The following DNHD1 variants were observed in gnomAD, a reference collection of about 807,000 sequenced individuals.
DNHD1 encodes the protein dynein heavy chain domain 1, also known as dynein heavy chain domain-containing protein 1.
In DNHD1, 383 loss-of-function variants were observed where a neutral mutation model predicts 458.1. The ratio of observed to expected loss-of-function variants is 0.84; its 90% CI spans 0.77 to 0.91. The LOEUF (loss-of-function observed/expected upper bound fraction) is 0.91. Among genes scored for constraint, DNHD1 ranks in the 40% least tolerant of loss-of-function variants. The pLI, the probability that DNHD1 is intolerant of heterozygous loss-of-function variation, is 0.00. For synonymous variants in DNHD1, 2,203 were observed against 2,376.9 expected (o/e 0.93, Z 2.13); for missense variants, 5,336 against 5,866.1 (o/e 0.91, Z 2.95).
At chr11:6,525,440 C>T (rs1852691199) in intron 10 of DNHD1, among the ~76,000 whole-genome samples, 1 of 152,212 alleles carries the variant, frequency 6.6e-6, no homozygotes, top group South Asian at 2.1e-4. Context: ...TTCAGGTAGG[C>T]TCTGTCCACC....
Position 6,502,771 on chromosome 11 carries a change from A to C in DNHD1, c.765A>C (p.Glu255Asp), listed in dbSNP as rs1435404894. The C allele has an allele frequency of 3.1e-6, 5 of 1,600,724 alleles. No homozygotes were observed. The highest frequency in any genetic ancestry group is 4.3e-6 in the Non-Finnish European group (5 of 1,174,778). Residue 255 changes from glutamate (E) to aspartate (D), a missense_variant, in exon 4 of 43, where the codon GAA (glutamate) becomes GAC (aspartate). Glu to Asp is a conservative substitution (Grantham distance 45). Transcript: ENST00000254579. The part of the protein sequence containing the change: ...RKETRSQLDY[E>D]VPREKAFQKS... ...CACACAGGTCTCAGCTTGACTATGA[A>C]GTTCCCAGGGAAAAGGCCTTCCAAA...
chr11:6,560,611 C>G (rs1853566832), intron 28 of DNHD1, among the ~76,000 whole-genome samples: 1 of 152,140 alleles, frequency 6.6e-6, no homozygotes, highest in Admixed American at 6.6e-5. Context: ...GTCAGTTACA[C>G]CAGAGCAGAA....
intron 10 of DNHD1, chr11:6,520,674 T>G (rs1852587543): frequency 9.4e-7 from 1 of 1,058,460 alleles, no homozygotes; most frequent in African/African-American, 1.6e-5. Flanking sequence ...TGCTCAACAC[T>G]TGCTTTATGT....
In DNHD1 at chr11:6,566,284, C is replaced by T. The variant is rs773000449; in HGVS notation, c.11097C>T (p.Cys3699=). The T allele has an allele frequency of 2.0e-5, 31 of 1,551,638 alleles. No individual in the cohort carries two copies. The highest frequency in any genetic ancestry group is 8.3e-5 in the South Asian group (7 of 84,066). ...LLTNVELGLG[C]EELQWLLQRE... ...CCAATGTGGAGCTGGGTCTAGGGTG[C>T]GAAGAACTGCAATGGCTGCTGCAAC... Residue 3699 remains cysteine, a synonymous_variant, in exon 34 of 43, where the codon TGC becomes TGT. Transcript: ENST00000254579.
chr11:6,534,423 T>G lies in DNHD1; in HGVS notation c.2998+250T>G, dbSNP rs554256745. 8.5e-4 allele frequency among the ~76,000 whole-genome samples: 130 copies of G among 152,224 alleles called. 2 individuals are homozygous for G. The highest frequency in any genetic ancestry group is 3.0e-3 in the African/African-American group (123 of 41,534). ...GGTAAGGAAGGCAAACAAGTGAATGTTCCATCAGAATGTGATGGGGTCAGG... is the reference window on the plus strand; with the variant it reads ...GGTAAGGAAGGCAAACAAGTGAATGGTCCATCAGAATGTGATGGGGTCAGG... On this transcript the variant is annotated intron_variant, in intron 14 of 42. Transcript: ENST00000254579.
chr11:6,555,699 A>C (rs1853447332), intron 24 of DNHD1, among the ~76,000 whole-genome samples: 1 of 152,238 alleles, frequency 6.6e-6, no homozygotes, highest in Admixed American at 6.5e-5. Flanking sequence ...ATGATCAAGT[A>C]CATACCGTAT....
chr11:6,539,891 A>G lies in DNHD1; in HGVS notation c.3436A>G (p.Asn1146Asp), dbSNP rs777221194. 20 of 1,551,680 alleles carry G rather than the reference A, an allele frequency of 1.3e-5. No homozygotes were observed. The highest frequency in any genetic ancestry group is 1.6e-5 in the Non-Finnish European group (18 of 1,146,996). Residue 1146 changes from asparagine to aspartate, a missense_variant, in exon 18 of 43, where the codon AAT becomes GAT. Asn to Asp is a conservative substitution (Grantham distance 23, BLOSUM62 1). Around this residue, in one of 4 missense-constraint regions of DNHD1, gnomAD observed 3,932 missense variants for 4,365.6 expected, o/e 0.90. Coordinates refer to ENST00000254579, the MANE Select transcript of DNHD1 (RefSeq NM_144666.3). ...DRINQVWQNE[N>D]ERIHAQETIR... Reference sequence around the variant, plus strand: ...GCTGTTCCAGGTCTGGCAGAATGAAAATGAACGAATTCATGCCCAAGAGAC... The same window carrying G: ...GCTGTTCCAGGTCTGGCAGAATGAAGATGAACGAATTCATGCCCAAGAGAC...
At chr11:6,543,986 G>C (rs1447712845) in intron 18 of DNHD1, 135 bp from the exon 19 acceptor site, 3 of 408,786 alleles carry the variant, frequency 7.3e-6, no homozygotes, top group East Asian at 1.3e-4. Flanking sequence ...AAAAAAAAAA[G>C]GGAAAGAAAA....
chr11:6,501,721 GA>G (rs998225840), intron 3 of DNHD1, among the ~76,000 whole-genome samples: 2 of 152,170 alleles, frequency 1.3e-5, no homozygotes, highest in Non-Finnish European at 2.9e-5. Context: ...ACATCAGGCA[GA>G]ATGAGCCCAC....
chr11:6,527,508 A>T lies in DNHD1; in HGVS notation c.1838-1014A>T, dbSNP rs557719035. On this transcript the variant is annotated intron_variant, in intron 10 of 42. Coordinates refer to ENST00000254579, the MANE Select transcript of DNHD1 (RefSeq NM_144666.3). ...AGTTTCCATTTACTGAAGTTGGAAGACTGCAGTTTTGGCGGGGAGGAATTA... is the reference window on the plus strand; with the variant it reads ...AGTTTCCATTTACTGAAGTTGGAAGTCTGCAGTTTTGGCGGGGAGGAATTA... 2.0e-5 allele frequency among the ~76,000 whole-genome samples: 3 copies of T among 152,374 alleles called. No individual in the cohort carries two copies. In the South Asian group the frequency reaches 6.2e-4, roughly 32 times the overall value.
At position 6,570,285 on chromosome 11, in the gene DNHD1, G is replaced by A. The variant is rs186910395; in HGVS notation, c.12994G>A (p.Asp4332Asn). The change falls in exon 41 of 43, where the codon GAC becomes AAC. Residue 4332 changes from aspartate (D) to asparagine (N), a missense_variant. Physicochemically the swap from Asp to Asn is conservative, Grantham distance 23. Coordinates refer to ENST00000254579, the MANE Select transcript of DNHD1 (RefSeq NM_144666.3). ...FYGGPLGDTE[D>N]REALISLTQA... ...CGGGGGTCCTCTGGGGGACACTGAG[G>A]ACAGGGAGGCCCTGATTAGCCTCAC... 1 of 1,613,720 alleles carries A rather than the reference G, an allele frequency of 6.2e-7. No homozygotes were observed. Among genetic ancestry groups the A allele is most frequent in the African/African-American group, 1.3e-5 (1 of 75,010 alleles).
chr11:6,533,666 C>G lies in DNHD1; in HGVS notation c.2506-15C>G, dbSNP rs764485346. On this transcript the variant is annotated splice_polypyrimidine_tract_variant and intron_variant, in intron 13 of 42. Transcript: ENST00000254579. ...GGGTTGTGGGGCTGCCGGTCTCATG[C>G]TGTAATTCCTGCAGTTGAATGAAGC... The G allele has an allele frequency of 5.3e-5, 81 of 1,535,780 alleles. No homozygotes were observed. Among genetic ancestry groups the G allele is most frequent in the Non-Finnish European group, 6.9e-5 (79 of 1,137,418 alleles).
In DNHD1 at chr11:6,564,799, G is replaced by A; in HGVS notation, c.10751G>A (p.Gly3584Asp). The A allele has an allele frequency of 6.6e-7, 1 of 1,519,904 alleles. No homozygotes were observed. Among genetic ancestry groups the A allele is most frequent in the Non-Finnish European group, 8.9e-7 (1 of 1,126,534 alleles). The allele number at this position is 1,519,904 out of a possible 1,614,324, so 94.2% of individuals were successfully genotyped here. The change falls in exon 32 of 43, where the codon GGT (glycine) becomes GAT (aspartate). Residue 3584 changes from glycine to aspartate, a missense_variant. Coordinates refer to ENST00000254579, the MANE Select transcript of DNHD1 (RefSeq NM_144666.3). ...TCTTTTGCGCCAGCCCTCACTGAGG[G>A]TAGAGGTAAGCAGGCATAATAAATG... ...NRSFAPALTE[G>D]RGKGLMRNQK...
In DNHD1 at chr11:6,551,952, A is replaced by G. The variant is rs1047290173; in HGVS notation, c.7387+3019A>G. On this transcript the variant is annotated intron_variant, in intron 24 of 42. Transcript: ENST00000254579. ...CGAGACTCCGTCTCCAAAAAAAAAAAGGGGAGCCAGGCATGGTGGCATGCA... is the reference window on the plus strand; with the variant it reads ...CGAGACTCCGTCTCCAAAAAAAAAAGGGGGAGCCAGGCATGGTGGCATGCA... 6.8e-5 allele frequency among the ~76,000 whole-genome samples: 10 copies of G among 146,038 alleles called. 2 individuals carry two copies. The highest frequency in any genetic ancestry group is 1.1e-4 in the African/African-American group (4 of 37,852).
At position 6,545,082 on chromosome 11, in the gene DNHD1, G is replaced by T; in HGVS notation, c.4143G>T (p.Gln1381His). The change falls in exon 21 of 43, where the codon CAG (glutamine) becomes CAT (histidine). Residue 1381 changes from glutamine to histidine, a missense_variant. By Grantham distance (24) the Gln-to-His change is conservative. Transcript: ENST00000254579. The surrounding 1 kb of genome is among the most constrained non-coding windows in gnomAD (Gnocchi z 4.9). ...CTCGACTGGAATCATGCGAAGCCCA[G>T]CTATGGGTACGACGCTGCTTTCCTC... ...LAARLESCEA[Q>H]LWVRRCFPHV... 1 of 1,551,868 alleles carries T rather than the reference G, an allele frequency of 6.4e-7. No homozygotes were observed. Among genetic ancestry groups the T allele is most frequent in the Non-Finnish European group, 8.7e-7 (1 of 1,146,918 alleles).
intron 4 of DNHD1, 101 bp from the exon 5 acceptor site, chr11:6,508,779 G>A: frequency 9.8e-7 from 1 of 1,023,560 alleles, no homozygotes; most frequent in Admixed American, 2.5e-5. Flanking sequence ...TCTTCTGCCT[G>A]CCTTCCTGTT....
rs1223050192 is a variant in DNHD1 at position 6,498,827 on chromosome 11, G to A, written c.612G>A (p.Val204=). The A allele has an allele frequency of 1.9e-6, 3 of 1,614,238 alleles. No individual in the cohort carries two copies. The highest frequency in any genetic ancestry group is 2.5e-6 in the Non-Finnish European group (3 of 1,180,036). Residue 204 remains valine, a synonymous_variant, in exon 3 of 43, where the codon GTG becomes GTA. Transcript: ENST00000254579. ...GCCTGGGCATTGTTGGTGCTCAGGT[G>A]GCCCTAGAAGAGGCTGTGTGGCTGG... ...QRCLGIVGAQ[V]ALEEAVWLDG...
At chr11:6,534,269 C>T (rs996582395) in intron 14 of DNHD1, 96 bp downstream of exon 14, 2 of 1,293,996 alleles carry the variant, frequency 1.5e-6, no homozygotes, top group Non-Finnish European at 2.1e-6. Flanking sequence ...CTGTATGACC[C>T]CAAGCAAGCC....
chr11:6,564,371 C>T lies in DNHD1; in HGVS notation c.10323C>T (p.Thr3441=). 1 of 1,549,386 alleles carries T rather than the reference C, an allele frequency of 6.5e-7. No individual in the cohort carries two copies. The highest frequency in any genetic ancestry group is 8.7e-7 in the Non-Finnish European group (1 of 1,145,224). The change falls in exon 32 of 43, where the codon ACC becomes ACT. Residue 3441 remains threonine, a synonymous_variant. Transcript: ENST00000254579. Reference sequence around the variant, plus strand: ...GCTGCATGACTGTGTTTGGAGATACCCTCCTATGTTCAGCTGCCATCATCT... The same window carrying T: ...GCTGCATGACTGTGTTTGGAGATACTCTCCTATGTTCAGCTGCCATCATCT... ...KGRCMTVFGD[T]LLCSAAIIYL... is the part of the protein sequence containing the mutation.
Sources: gnomAD v4.1 joint callset for allele counts (sites outside exome capture counted in the v4.1 genomes callset) on GRCh38, gnomAD v4.1.1 for gene constraint, gnomAD v4.1.1 regional missense constraint, Gnocchi (gnomAD v3.1) non-coding constraint, MANE v1.5 for transcripts, NCBI Gene and HGNC (gene_info 2026-07-23, HGNC 2026-07-21) for gene names.